The following ERCC8 variants were observed in gnomAD, a reference collection of about 807,000 sequenced individuals.
ERCC8 encodes the protein DNA excision repair protein ERCC-8.
ERCC8 carries 52 observed loss-of-function variants against 54.9 expected under a neutral mutation model. That is an observed-to-expected ratio of 0.95 (90% confidence interval 0.76 to 1.19). The LOEUF (loss-of-function observed/expected upper bound fraction) is 1.19. Among genes scored for constraint, ERCC8 ranks in the 50% most tolerant of loss-of-function variants. ERCC8 has a pLI of 0.00. For missense variants in ERCC8, 514 were observed against 466.1 expected (o/e 1.10, Z -0.95); for synonymous variants, 146 against 157.2 (o/e 0.93, Z 0.53).
intron 9 of ERCC8, chr5:60,893,526 A>T: frequency 1.3e-6 from 1 of 769,166 alleles, no homozygotes; most frequent in Non-Finnish European, 2.3e-6. Context: ...GGCTTCTTAC[A>T]GCCCTTGGAA....
chr5:60,912,818 T>C (rs1201582813), intron 4 of ERCC8, among the ~76,000 whole-genome samples: 1 of 152,170 alleles, frequency 6.6e-6, no homozygotes, highest in Non-Finnish European at 1.5e-5. Flanking sequence ...TTGCATTTTG[T>C]CAAAGGCCTT....
chr5:60,904,755 T>C (rs780302746), intron 5 of ERCC8, 37 bp downstream of exon 5: 2 of 1,334,072 alleles, frequency 1.5e-6, no homozygotes. Context: ...GAGAAAGTTT[T>C]CAGTATGTCA....
In ERCC8 at chr5:60,903,628, T is replaced by C; in HGVS notation, c.550+20A>G. On this transcript the variant is annotated intron_variant, in intron 6 of 11. Transcript: ENST00000676185. Reference sequence around the variant, plus strand: ...ATCGTTTACTCAAAGTAGTTGCCGTTTGAAATAAAATAAAAATACCCTGTA... The same window carrying C: ...ATCGTTTACTCAAAGTAGTTGCCGTCTGAAATAAAATAAAAATACCCTGTA... 2 of 1,612,250 alleles carry C rather than the reference T, an allele frequency of 1.2e-6. No homozygotes were observed. The highest frequency in any genetic ancestry group is 8.5e-7 in the Non-Finnish European group (1 of 1,178,906).
chr5:60,874,557 A>T lies in ERCC8; in HGVS notation c.*58T>A. ...TCAGGAATAGACCATACAGTTGAAA[A>T]AAACACAGTCTCATTTAAAAAGTTT... On this transcript the variant is annotated 3_prime_UTR_variant, in exon 12 of 12. Coordinates refer to ENST00000676185, the MANE Select transcript of ERCC8 (RefSeq NM_000082.4). The T allele has an allele frequency of 1.3e-6, 2 of 1,492,570 alleles. No individual in the cohort carries two copies. Among genetic ancestry groups the T allele is most frequent in the Non-Finnish European group, 1.9e-6 (2 of 1,073,750 alleles). 92.5% of individuals were successfully genotyped at this position (1,492,570 alleles called of 1,614,324 possible).
rs188982159 is a variant in ERCC8, at chr5:60,917,873, T to C, written c.399+392A>G. 3.9e-5 allele frequency: 8 copies of C among 206,394 alleles called. No homozygotes were observed. The East Asian group carries it at 9.4e-4, about 24-fold the overall frequency. 12.8% of individuals were successfully genotyped at this position (206,394 alleles called of 1,614,324 possible). A position where few individuals can be genotyped will look rare whatever the true frequency, so the allele number is the denominator to read the frequency against. On this transcript the variant is annotated intron_variant, in intron 4 of 11. Coordinates refer to ENST00000676185, the MANE Select transcript of ERCC8 (RefSeq NM_000082.4). ...AGTTTTTAGATCAATCAAAGATAAA[T>C]CCAATTTTCTACTTTAGATTACTAG...
intron 11 of ERCC8, among the ~76,000 whole-genome samples, chr5:60,877,035 C>T (rs1349355241): frequency 6.6e-6 from 1 of 152,114 alleles, no homozygotes; most frequent in East Asian, 1.9e-4. Flanking sequence ...AAGTCTTAAT[C>T]CATCTTGAAT....
At chr5:60,922,523 T>C (rs1367090732) in intron 2 of ERCC8, among the ~76,000 whole-genome samples, 3 of 152,148 alleles carry the variant, frequency 2.0e-5, no homozygotes, top group African/African-American at 7.2e-5. Flanking sequence ...ACAAACCAAC[T>C]ATTACTGACA....
chr5:60,893,137 T>C, intron 9 of ERCC8: 1 of 828,114 alleles, frequency 1.2e-6, no homozygotes, highest in Non-Finnish European at 2.1e-6. Flanking sequence ...GCCTCCCCCA[T>C]TTGGAAGCAG....
At chr5:60,925,464 T>C (rs1175629240) in intron 2 of ERCC8, among the ~76,000 whole-genome samples, 2 of 152,198 alleles carry the variant, frequency 1.3e-5, no homozygotes, top group African/African-American at 4.8e-5. Flanking sequence ...GGTCTTACCA[T>C]GGGCCACTCA....
At chr5:60,922,656 C>T (rs952418046) in intron 2 of ERCC8, among the ~76,000 whole-genome samples, 2 of 151,940 alleles carry the variant, frequency 1.3e-5, no homozygotes, top group Non-Finnish European at 2.9e-5. Context: ...TTTTATAGTA[C>T]CTGGCAAAAA....
intron 4 of ERCC8, among the ~76,000 whole-genome samples, chr5:60,909,272 A>AAAAAAAAAAAAAAAAAAC (rs1314331223): frequency 6.9e-6 from 1 of 145,322 alleles, no homozygotes; most frequent in African/African-American, 2.6e-5. Flanking sequence ...AAAAAAAAAA[A>AAAAAAAAAAAAAAAAAAC]AAAAAAGCCA....
At chr5:60,893,899 G>A (rs1454560046) in intron 9 of ERCC8, among the ~76,000 whole-genome samples, 8 of 151,974 alleles carry the variant, frequency 5.3e-5, no homozygotes, top group East Asian at 1.9e-4. Context: ...TCCATCTCTA[G>A]AACTCTTCAT....
At position 60,926,296 on chromosome 5, in the gene ERCC8, C is replaced by T. The variant is rs1005668140; in HGVS notation, c.173+2568G>A. On this transcript the variant is annotated intron_variant, in intron 2 of 11. Coordinates refer to ENST00000676185, the MANE Select transcript of ERCC8 (RefSeq NM_000082.4). ...GTACCAGAAACAAACACACGTCTTT[C>T]TTCACTGAGAATGTCTTGTTACAAA... Among the ~76,000 whole-genome samples the T allele has an allele frequency of 2.6e-5, 4 of 152,290 alleles. No individual in the cohort carries two copies. The East Asian group carries it at 5.8e-4, about 22-fold the overall frequency.
intron 2 of ERCC8, among the ~76,000 whole-genome samples, chr5:60,923,827 C>A (rs1338119824): frequency 6.6e-6 from 1 of 152,082 alleles, no homozygotes; most frequent in African/African-American, 2.4e-5. Context: ...GGGGAACCAT[C>A]AAAAATTCTT....
chr5:60,943,807 TATAGAC>T (rs1176982388), intron 1 of ERCC8, among the ~76,000 whole-genome samples: 1 of 152,072 alleles, frequency 6.6e-6, no homozygotes, highest in Non-Finnish European at 1.5e-5. Flanking sequence ...AAGGTGAACT[TATAGAC>T]ATAAATGAGG....
In ERCC8 at chr5:60,928,769, T is replaced by C. The variant is rs548713450; in HGVS notation, c.173+95A>G. On this transcript the variant is annotated intron_variant, in intron 2 of 11. Transcript: ENST00000676185. ...TGCTACAATTTAGGATTTTCATTAA[T>C]TTTAATGAAACTTCTACATCATTAA... 6.4e-5 allele frequency: 46 copies of C among 721,994 alleles called. No homozygotes were observed. In the African/African-American group the frequency reaches 7.5e-4, roughly 12 times the overall value. 44.7% of individuals were successfully genotyped at this position (721,994 alleles called of 1,614,324 possible). A position where few individuals can be genotyped will look rare whatever the true frequency, so the allele number is the denominator to read the frequency against.
chr5:60,879,297 T>G (rs1331707882), intron 11 of ERCC8, among the ~76,000 whole-genome samples: 3 of 152,218 alleles, frequency 2.0e-5, no homozygotes, highest in African/African-American at 7.2e-5. Flanking sequence ...AACTATGTGG[T>G]CAATTTTGGA....
rs1393533472 is a variant in ERCC8 at position 60,869,361 on chromosome 5, C to T, written c.*5254G>A. ...TTGCTGATGCAATATTTTTCTACCA[C>T]TGTCTCATTTCGATTTTAAATAATA... is the stretch of plus-strand genomic sequence containing the variant. On this transcript the variant is annotated 3_prime_UTR_variant, in exon 12 of 12. Transcript: ENST00000676185. Among the ~76,000 whole-genome samples, 1 of 152,150 alleles carries T rather than the reference C, an allele frequency of 6.6e-6. No individual in the cohort carries two copies. Among genetic ancestry groups the T allele is most frequent in the Admixed American group, 6.5e-5 (1 of 15,270 alleles).
chr5:60,927,133 A>C (rs1413665327), intron 2 of ERCC8, among the ~76,000 whole-genome samples: 2 of 152,254 alleles, frequency 1.3e-5, no homozygotes, highest in Admixed American at 6.5e-5. Context: ...CACCCTCTGC[A>C]GTTGCACCTG....
Sources: allele counts gnomAD v4.1 joint callset (sites outside exome capture counted in the v4.1 genomes callset), GRCh38; gene constraint gnomAD v4.1.1; transcripts MANE v1.5; gene names NCBI Gene and HGNC (gene_info 2026-07-23, HGNC 2026-07-21).